Variants in NEK11 observed in about 807,000 individuals in gnomAD.
The protein encoded by NEK11 is serine/threonine-protein kinase Nek11.
NEK11 carries 72 observed loss-of-function variants against 80.7 expected under a neutral mutation model. That is an observed-to-expected ratio of 0.89 (90% CI 0.74 to 1.08). The LOEUF is 1.08. Among genes scored for constraint, NEK11 ranks in the 50% least tolerant of loss-of-function variants. NEK11 has a pLI of 0.00. For missense variants in NEK11, 764 were observed against 763.6 expected (o/e 1.00, Z -0.01); for synonymous variants, 251 against 260.7 (o/e 0.96, Z 0.36).
At chr3:131,220,010 C>T (rs1246602442) in intron 14 of NEK11, among the ~76,000 whole-genome samples, 2 of 152,206 alleles carry the variant, frequency 1.3e-5, no homozygotes, top group Non-Finnish European at 2.9e-5. Flanking sequence ...ACAGGTGGTC[C>T]TCCTAGTCAC....
At chr3:131,312,963 C>G (rs189638484) in intron 17 of NEK11, among the ~76,000 whole-genome samples, 7 of 152,204 alleles carry the variant, frequency 4.6e-5, no homozygotes, top group Non-Finnish European at 7.4e-5. Context: ...TTTTCCACTC[C>G]TCTTCCTCCT....
intron 14 of NEK11, among the ~76,000 whole-genome samples, chr3:131,190,046 C>G (rs1280215967): frequency 6.6e-6 from 1 of 152,146 alleles, no homozygotes; most frequent in African/African-American, 2.4e-5. Context: ...TTGTATTTAA[C>G]TTTACACATC....
chr3:131,195,680 C>T (rs576945495), intron 14 of NEK11, among the ~76,000 whole-genome samples: 41 of 151,874 alleles, frequency 2.7e-4, no homozygotes, highest in South Asian at 1.9e-3. Flanking sequence ...AGGTGGTCCC[C>T]GGAGTTGTAC....
intron 17 of NEK11, among the ~76,000 whole-genome samples, chr3:131,303,654 C>A (rs2096687281): frequency 1.3e-5 from 2 of 152,094 alleles, no homozygotes; most frequent in African/African-American, 4.8e-5. Context: ...AATTTTGTTT[C>A]TTTAAAAATG....
chr3:131,272,060 AT>A (rs201599204), intron 16 of NEK11, among the ~76,000 whole-genome samples: 1 of 152,188 alleles, frequency 6.6e-6, no homozygotes, highest in East Asian at 1.9e-4. Flanking sequence ...AGATCACGCC[AT>A]TGCATTCCAG....
intron 7 of NEK11, among the ~76,000 whole-genome samples, chr3:131,146,636 T>G (rs2088344220): frequency 6.6e-6 from 1 of 152,180 alleles, no homozygotes; most frequent in African/African-American, 2.4e-5. Context: ...ATTATATATT[T>G]TTAGTGATAT....
intron 14 of NEK11, among the ~76,000 whole-genome samples, chr3:131,200,574 G>C (rs1012089312): frequency 2.6e-5 from 4 of 152,174 alleles, no homozygotes; most frequent in African/African-American, 9.7e-5. Context: ...TGACCCTTCT[G>C]CTCTTAAAGC....
At chr3:131,087,387 G>A (rs1178519456) in intron 4 of NEK11, among the ~76,000 whole-genome samples, 2 of 151,878 alleles carry the variant, frequency 1.3e-5, no homozygotes, top group Non-Finnish European at 1.5e-5. Context: ...GTGACTACTG[G>A]CGCGTGCCAC....
intron 3 of NEK11, among the ~76,000 whole-genome samples, chr3:131,039,996 G>A (rs1233558783): frequency 6.7e-6 from 1 of 150,284 alleles, no homozygotes; most frequent in Non-Finnish European, 1.5e-5. Flanking sequence ...GTACATCTAT[G>A]TGGGAAATAA....
intron 3 of NEK11, among the ~76,000 whole-genome samples, chr3:131,078,158 G>C (rs1295013943): frequency 6.6e-6 from 1 of 152,138 alleles, no homozygotes; most frequent in Admixed American, 6.5e-5. Flanking sequence ...TGTCTTTTGG[G>C]AATGAGATGA....
chr3:131,294,271 C>G (rs9790021), intron 17 of NEK11, among the ~76,000 whole-genome samples: 31,888 of 151,916 alleles, frequency 0.21, 6,652 homozygotes, highest in African/African-American at 0.53. Context: ...GTTTTCATTT[C>G]TATTTAGTTC....
intron 17 of NEK11, among the ~76,000 whole-genome samples, chr3:131,319,361 T>A (rs1223802791): frequency 6.6e-6 from 1 of 152,154 alleles, no homozygotes; most frequent in Non-Finnish European, 1.5e-5. Flanking sequence ...TGATTCCTAC[T>A]TTACTACTCA....
chr3:131,220,029 A>G lies in NEK11; in HGVS notation c.1400-8499A>G, dbSNP rs1284755697. Among the ~76,000 whole-genome samples, 5 of 152,340 alleles carry G rather than the reference A, an allele frequency of 3.3e-5. No homozygotes were observed. The South Asian group carries it at 8.3e-4, about 25-fold the overall frequency. The stretch of plus-strand genomic sequence containing the variant: ...GTGGTCCTCCTAGTCACTACTTTGT[A>G]TCATCACTTCTGTTGCAAGGCAGTT... On this transcript the variant is annotated intron_variant, in intron 14 of 17. Transcript: ENST00000383366.
At chr3:131,238,056 T>C (rs967177050) in intron 15 of NEK11, among the ~76,000 whole-genome samples, 8 of 152,170 alleles carry the variant, frequency 5.3e-5, no homozygotes, top group African/African-American at 1.9e-4. Flanking sequence ...ACCCTTCCAG[T>C]TTCTGGAACA....
intron 15 of NEK11, among the ~76,000 whole-genome samples, chr3:131,241,974 A>G (rs1324438669): frequency 6.6e-6 from 1 of 152,104 alleles, no homozygotes; most frequent in Non-Finnish European, 1.5e-5. Context: ...CAATATTTGT[A>G]TTTTGACATT....
At chr3:131,046,931 A>G (rs1406678711) in intron 3 of NEK11, among the ~76,000 whole-genome samples, 1 of 152,100 alleles carries the variant, frequency 6.6e-6, no homozygotes, top group Non-Finnish European at 1.5e-5. Flanking sequence ...AATACCAGTT[A>G]TTCTTTGGTT....
chr3:131,029,716 A>C lies in NEK11; in HGVS notation c.8A>C (p.Lys3Thr). ML[K>T]FQEAAKCVSG... ...TCTCTCTTGTTTGGAGCAATGCTGA[A>C]ATTCCAAGAGGCAGCTAAGTGTGTG... The change falls in exon 3 of 18, where the codon AAA becomes ACA. Residue 3 changes from lysine to threonine, a missense_variant. Physicochemically the swap from Lys to Thr is moderately conservative, Grantham distance 78. Coordinates refer to ENST00000383366, the MANE Select transcript of NEK11 (RefSeq NM_024800.5). 6.2e-7 allele frequency: 1 copy of C among 1,614,032 alleles called. No homozygotes were observed. Among genetic ancestry groups the C allele is most frequent in the East Asian group, 2.2e-5 (1 of 44,876 alleles).
intron 17 of NEK11, among the ~76,000 whole-genome samples, chr3:131,340,871 G>C (rs1357547204): frequency 6.6e-6 from 1 of 152,084 alleles, no homozygotes; most frequent in Non-Finnish European, 1.5e-5. Context: ...AACTTAAAAG[G>C]CTTTTGTTTC....
Position 131,349,813 on chromosome 3 carries a change from A to G in NEK11, c.*37A>G, listed in dbSNP as rs1319535643. On this transcript the variant is annotated 3_prime_UTR_variant, in exon 18 of 18. Transcript: ENST00000383366. The stretch of plus-strand genomic sequence containing the variant: ...AAAGAAGCAGAAGTTCAAGTGGACA[A>G]ATTTATGTGAAAATTCATTTAACAT... 9 of 1,480,580 alleles carry G rather than the reference A, an allele frequency of 6.1e-6. No individual in the cohort carries two copies. The highest frequency in any genetic ancestry group is 2.3e-5 in the East Asian group (1 of 44,164). 91.7% of individuals were successfully genotyped at this position (1,480,580 alleles called of 1,614,324 possible).
Sources: allele counts gnomAD v4.1 joint callset (sites outside exome capture counted in the v4.1 genomes callset), GRCh38; gene constraint gnomAD v4.1.1; transcripts MANE v1.5; gene names NCBI Gene and HGNC (gene_info 2026-07-23, HGNC 2026-07-21).